Variants in VPS13D observed in about 807,000 individuals in gnomAD.
VPS13D encodes the protein vacuolar protein sorting 13 homolog D.
VPS13D carries 187 observed loss-of-function variants against 461.9 expected under a neutral mutation model. The ratio of observed to expected loss-of-function variants is 0.40; its 90% confidence interval spans 0.36 to 0.46. The LOEUF (loss-of-function observed/expected upper bound fraction) is 0.46, where lower values mean the gene tolerates loss of function less well. VPS13D is among the 20% of genes least tolerant of loss of function. The pLI is 0.60. For synonymous variants in VPS13D, 1,951 were observed against 1,986.3 expected (o/e 0.98, Z 0.47); for missense variants, 4,711 against 5,364.9 (o/e 0.88, Z 3.81).
rs368123965 is a variant in VPS13D, at chr1:12,459,464, A to G, written c.12467-737A>G. ...ATTTAGTTATCTCTCTCTGCCTTAG[A>G]TATCTTTCTTTTCTTTTCTTTTTTT... On this transcript the variant is annotated intron_variant, in intron 66 of 69. Transcript: ENST00000620676. Among the ~76,000 whole-genome samples the G allele has an allele frequency of 4.6e-5, 7 of 150,550 alleles. No homozygotes were observed. The South Asian group carries it at 6.3e-4, about 14-fold the overall frequency.
At chr1:12,261,563 C>T (rs1315672757) in intron 12 of VPS13D, among the ~76,000 whole-genome samples, 1 of 152,214 alleles carries the variant, frequency 6.6e-6, no homozygotes, top group Non-Finnish European at 1.5e-5. Context: ...CACGTGTGCT[C>T]CCAGTGCTCA....
intron 43 of VPS13D, among the ~76,000 whole-genome samples, chr1:12,345,745 A>G (rs1643661541): frequency 6.6e-6 from 1 of 152,190 alleles, no homozygotes; most frequent in African/African-American, 2.4e-5. Flanking sequence ...ACCTCTGTAG[A>G]TCCATTTCAT....
chr1:12,467,429 C>G (rs1645502444), intron 67 of VPS13D, among the ~76,000 whole-genome samples: 1 of 152,222 alleles, frequency 6.6e-6, no homozygotes, highest in Non-Finnish European at 1.5e-5. Flanking sequence ...CTTGGCCTTT[C>G]AAAGTGTTGG....
At position 12,348,962 on chromosome 1, in the gene VPS13D, C is replaced by A; in HGVS notation, c.9209C>A (p.Ser3070Ter). 1 of 1,614,168 alleles carries A rather than the reference C, an allele frequency of 6.2e-7. No homozygotes were observed. Among genetic ancestry groups the A allele is most frequent in the Non-Finnish European group, 8.5e-7 (1 of 1,180,028 alleles). Residue 3070 changes from serine to a stop codon, truncating the protein, a stop_gained, in exon 45 of 70, where the codon TCA (serine) becomes TAA (stop). Transcript: ENST00000620676. LOFTEE classifies it high-confidence loss of function. ...TPMELRLDSP[S>*]APDKPVVLPA... ...ATGGAACTAAGACTGGATAGCCCAT[C>A]AGCTCCAGACAGTATGTTTTGATTG...
chr1:12,343,114 TG>T, intron 42 of VPS13D, 63 bp downstream of exon 42: 1 of 1,408,244 alleles, frequency 7.1e-7, no homozygotes. Flanking sequence ...GGGTCCCTAG[TG>T]TTTTGTCTTT....
At chr1:12,382,752 C>G (rs1371902495) in intron 57 of VPS13D, among the ~76,000 whole-genome samples, 1 of 152,176 alleles carries the variant, frequency 6.6e-6, no homozygotes, top group African/African-American at 2.4e-5. Context: ...ATCTCTTATT[C>G]ATAATTACCA....
chr1:12,438,143 ACTTAGAGAAATTTT>A (rs1228327605), intron 65 of VPS13D, among the ~76,000 whole-genome samples: 1 of 152,114 alleles, frequency 6.6e-6, no homozygotes, highest in African/African-American at 2.4e-5. Flanking sequence ...CTGTTATAGG[ACTTAGAGAAATTTT>A]CTTATACTAT....
Position 12,280,086 on chromosome 1 carries a change from A to G in VPS13D, c.4602+436A>G, listed in dbSNP as rs374570377. On this transcript the variant is annotated intron_variant, in intron 20 of 69. Transcript: ENST00000620676. ...TGCCCTCTCTGAAATGAAATGGGCCAGGATAGGGATTTCTTTTTTTATGGG... is the reference window on the plus strand; with the variant it reads ...TGCCCTCTCTGAAATGAAATGGGCCGGGATAGGGATTTCTTTTTTTATGGG... 2.6e-4 allele frequency among the ~76,000 whole-genome samples: 40 copies of G among 152,346 alleles called. 3 individuals carry two copies. Among genetic ancestry groups the G allele is most frequent in the Admixed American group, 2.1e-3 (32 of 15,304 alleles).
intron 65 of VPS13D, among the ~76,000 whole-genome samples, chr1:12,455,510 A>G (rs935122259): frequency 1.6e-4 from 25 of 152,240 alleles, no homozygotes; most frequent in African/African-American, 5.3e-4. Context: ...TGCAAAGCCT[A>G]GTGTCCTCCA....
chr1:12,318,401 A>G, intron 31 of VPS13D, 64 bp downstream of exon 31: 3 of 1,545,950 alleles, frequency 1.9e-6, no homozygotes, highest in Non-Finnish European at 1.7e-6. Flanking sequence ...TATCTGCCTT[A>G]CAGGATGATT....
chr1:12,506,095 G>A (rs1646101861), intron 68 of VPS13D, among the ~76,000 whole-genome samples: 1 of 152,210 alleles, frequency 6.6e-6, no homozygotes, highest in Admixed American at 6.5e-5. Context: ...ATTGTGAAGG[G>A]CTGTCACAAG....
intron 25 of VPS13D, among the ~76,000 whole-genome samples, chr1:12,300,116 A>G (rs1026303054): frequency 6.6e-6 from 1 of 150,418 alleles, no homozygotes; most frequent in East Asian, 2.0e-4. Flanking sequence ...GAACCTTAGG[A>G]GGGTATCTGT....
At chr1:12,392,511 A>G (rs1384933113) in intron 60 of VPS13D, among the ~76,000 whole-genome samples, 2 of 151,080 alleles carry the variant, frequency 1.3e-5, no homozygotes, top group Non-Finnish European at 2.9e-5. Context: ...ATTTTAAGAA[A>G]TTCTTGATTA....
At chr1:12,448,188 G>T (rs2100368115) in intron 65 of VPS13D, among the ~76,000 whole-genome samples, 1 of 152,310 alleles carries the variant, frequency 6.6e-6, no homozygotes, top group East Asian at 1.9e-4. Flanking sequence ...CTAATGACAA[G>T]AGTTGGCATC....
In VPS13D at chr1:12,386,212, G is replaced by A. The variant is rs1411936620; in HGVS notation, c.11512G>A (p.Gly3838Arg). The stretch of plus-strand genomic sequence containing the variant: ...GCTTGTGAGGTTAGAAGGTGGAATT[G>A]GGTTGTCCTTAATTAATAAAGTCCC... ...EVLVRLEGGI[G>R]LSLINKVPEE... Residue 3838 changes from glycine (G) to arginine (R), a missense_variant, in exon 60 of 70, where the codon GGG becomes AGG. By Grantham distance (125) the Gly-to-Arg change is moderately radical. Transcript: ENST00000620676. 1 of 1,612,954 alleles carries A rather than the reference G, an allele frequency of 6.2e-7. No individual in the cohort carries two copies. Among genetic ancestry groups the A allele is most frequent in the South Asian group, 1.1e-5 (1 of 90,832 alleles).
At chr1:12,506,647 T>C (rs1446171663) in intron 68 of VPS13D, among the ~76,000 whole-genome samples, 1 of 152,246 alleles carries the variant, frequency 6.6e-6, no homozygotes, top group African/African-American at 2.4e-5. Context: ...TTGTTACAGT[T>C]TTCTGTAAGC....
intron 67 of VPS13D, among the ~76,000 whole-genome samples, chr1:12,477,665 T>C (rs1645651508): frequency 6.6e-6 from 1 of 152,194 alleles, no homozygotes; most frequent in African/African-American, 2.4e-5. Context: ...GGTCTAATGC[T>C]TGGGACCTTC....
chr1:12,242,680 GC>G, intron 3 of VPS13D, 90 bp downstream of exon 3: 1 of 1,165,526 alleles, frequency 8.6e-7, no homozygotes, highest in Non-Finnish European at 1.3e-6. Context: ...TATTGATTTG[GC>G]CAGTTAGAGG....
Position 12,258,013 on chromosome 1 carries a change from C to G in VPS13D, c.1020C>G (p.Asp340Glu). Residue 340 changes from aspartate to glutamate, a missense_variant, in exon 10 of 70, where the codon GAC (aspartate) becomes GAG (glutamate). Physicochemically the swap from Asp to Glu is conservative, Grantham distance 45. Coordinates refer to ENST00000620676, the MANE Select transcript of VPS13D (RefSeq NM_015378.4). ...IREQRKRCTW[D>E]FMLHRARDAV... ...AGCAGAGGAAACGTTGCACCTGGGACTTTATGTTGCACCGCGCTCGTGATG... is the reference window on the plus strand; with the variant it reads ...AGCAGAGGAAACGTTGCACCTGGGAGTTTATGTTGCACCGCGCTCGTGATG... 2 of 1,614,190 alleles carry G rather than the reference C, an allele frequency of 1.2e-6. No homozygotes were observed. Among genetic ancestry groups the G allele is most frequent in the East Asian group, 2.2e-5 (1 of 44,892 alleles).
Sources: allele counts gnomAD v4.1 joint callset (sites outside exome capture counted in the v4.1 genomes callset), GRCh38; gene constraint gnomAD v4.1.1; transcripts MANE v1.5; gene names NCBI Gene and HGNC (gene_info 2026-07-23, HGNC 2026-07-21).